KIF16B: variants seen among roughly 807,000 people sequenced by gnomAD.
KIF16B encodes kinesin-like protein KIF16B.
KIF16B carries 98 observed loss-of-function variants against 156.3 expected under a neutral mutation model. That is an observed-to-expected ratio of 0.63 (90% CI 0.53 to 0.74). The LOEUF is 0.74. Among genes scored for constraint, KIF16B ranks in the 30% least tolerant of loss-of-function variants. The probability of loss-of-function intolerance (pLI) is 0.00; values close to 1 mark genes in which losing one functional copy is unlikely to be tolerated. For missense variants in KIF16B, 1,421 were observed against 1,606.5 expected, an observed-to-expected ratio of 0.88 and a Z score of 1.97; for synonymous variants, 564 against 583.7, an observed-to-expected ratio of 0.97 and a Z score of 0.49.
At chr20:16,504,287 T>C in intron 10 of KIF16B, 85 bp downstream of exon 10, 2 of 1,338,334 alleles carry the variant, frequency 1.5e-6, no homozygotes, top group Non-Finnish European at 2.1e-6. Flanking sequence ...ATCAATAGCA[T>C]GAGTGAGAAA....
At chr20:16,285,215 A>C (rs1489807345) in intron 25 of KIF16B, among the ~76,000 whole-genome samples, 1 of 152,172 alleles carries the variant, frequency 6.6e-6, no homozygotes, top group Non-Finnish European at 1.5e-5. Context: ...ATTCTGGAGT[A>C]ACCATGCCTT....
intron 12 of KIF16B, among the ~76,000 whole-genome samples, chr20:16,486,584 A>C (rs939905160): frequency 6.6e-6 from 1 of 152,226 alleles, no homozygotes; most frequent in Non-Finnish European, 1.5e-5. Context: ...CAGGAGCTGA[A>C]CTATACGGAC....
At chr20:16,355,292 G>A (rs979407549) in intron 23 of KIF16B, among the ~76,000 whole-genome samples, 2 of 152,036 alleles carry the variant, frequency 1.3e-5, no homozygotes, top group Non-Finnish European at 2.9e-5. Context: ...TGCCTTTTAC[G>A]GTGTCCTTCC....
chr20:16,506,273 C>G, intron 7 of KIF16B, 83 bp from the exon 8 acceptor site: 2 of 1,172,432 alleles, frequency 1.7e-6, no homozygotes, highest in Non-Finnish European at 1.3e-6. Flanking sequence ...CTATTTTCTG[C>G]TCCTCACTGA....
intron 12 of KIF16B, among the ~76,000 whole-genome samples, chr20:16,439,818 A>G (rs1281859284): frequency 6.6e-6 from 1 of 152,182 alleles, no homozygotes; most frequent in African/African-American, 2.4e-5. Context: ...CAATACCATC[A>G]GATCTCTTGA....
intron 12 of KIF16B, among the ~76,000 whole-genome samples, chr20:16,481,018 A>T (rs1263277284): frequency 1.3e-5 from 2 of 152,146 alleles, no homozygotes; most frequent in Non-Finnish European, 2.9e-5. Context: ...GTTTGAAGGG[A>T]TGATCTTCCA....
chr20:16,419,430 C>T (rs188662075), intron 15 of KIF16B, among the ~76,000 whole-genome samples: 52 of 152,216 alleles, frequency 3.4e-4, no homozygotes, highest in African/African-American at 1.2e-3. Context: ...TTTAATTTGT[C>T]AGCGAACAAC....
intron 24 of KIF16B, among the ~76,000 whole-genome samples, chr20:16,333,651 A>G (rs1030042662): frequency 1.3e-5 from 2 of 152,102 alleles, no homozygotes; most frequent in African/African-American, 4.8e-5. Flanking sequence ...TCTTCGACTC[A>G]CTGGTTCATG....
chr20:16,378,691 T>C, intron 19 of KIF16B, 114 bp downstream of exon 19: 4 of 1,106,870 alleles, frequency 3.6e-6, no homozygotes, highest in Non-Finnish European at 3.8e-6. Flanking sequence ...TTAAAGAATA[T>C]GAAGGCTAAA....
At chr20:16,458,800 C>T (rs967529806) in intron 12 of KIF16B, among the ~76,000 whole-genome samples, 2 of 151,860 alleles carry the variant, frequency 1.3e-5, no homozygotes, top group Non-Finnish European at 2.9e-5. Context: ...ACACACCACT[C>T]CCCATTAGCC....
chr20:16,382,239 A>G lies in KIF16B; in HGVS notation c.1785-492T>C, dbSNP rs1471147987. The G allele has an allele frequency of 4.4e-5, 22 of 502,782 alleles. No homozygotes were observed. In the East Asian group the frequency reaches 9.2e-4, roughly 21 times the overall value. The allele number at this position is 502,782 out of a possible 1,614,324, so 31.1% of individuals were successfully genotyped here. A position where few individuals can be genotyped will look rare whatever the true frequency, so the allele number is the denominator to read the frequency against. ...CAGGAGAAAAGCAGTAAGGTACTTA[A>G]AAGGCAATAGCCATGCATGAATTGA... On this transcript the variant is annotated intron_variant, in intron 17 of 25. Transcript: ENST00000354981.
chr20:16,546,339 G>A (rs976633207), intron 1 of KIF16B, among the ~76,000 whole-genome samples: 1 of 152,132 alleles, frequency 6.6e-6, no homozygotes, highest in Non-Finnish European at 1.5e-5. Flanking sequence ...ACAATATAAG[G>A]CCAGCTATGG....
chr20:16,346,680 C>T (rs6034462), intron 23 of KIF16B, among the ~76,000 whole-genome samples: 83,673 of 152,058 alleles, frequency 0.55, 23,695 homozygotes, highest in East Asian at 0.94. Flanking sequence ...AGTATACTTA[C>T]CTCACAGGGT....
chr20:16,419,645 A>G (rs2066175600), intron 15 of KIF16B, among the ~76,000 whole-genome samples: 1 of 152,180 alleles, frequency 6.6e-6, no homozygotes, highest in Admixed American at 6.5e-5. Context: ...TAGTCAATGG[A>G]TCTGACAAAC....
chr20:16,403,247 T>C (rs1600301258), intron 17 of KIF16B, among the ~76,000 whole-genome samples: 2 of 152,310 alleles, frequency 1.3e-5, no homozygotes, highest in Admixed American at 1.3e-4. Context: ...ATTTAACGGA[T>C]GGGATCACAC....
chr20:16,437,870 T>C (rs1237869619), intron 12 of KIF16B, among the ~76,000 whole-genome samples: 1 of 151,820 alleles, frequency 6.6e-6, no homozygotes, highest in Non-Finnish European at 1.5e-5. Context: ...TGGTGGCTCA[T>C]GCCTGTAATC....
intron 12 of KIF16B, among the ~76,000 whole-genome samples, chr20:16,454,598 TA>T (rs2067167811): frequency 1.3e-5 from 2 of 152,058 alleles, no homozygotes; most frequent in Admixed American, 1.3e-4. Context: ...AGTAACATTG[TA>T]ACTAATAATA....
At chr20:16,451,992 G>C (rs182936143) in intron 12 of KIF16B, among the ~76,000 whole-genome samples, 1 of 152,224 alleles carries the variant, frequency 6.6e-6, no homozygotes, top group East Asian at 1.9e-4. Flanking sequence ...CAAATAACAT[G>C]AGTAAGTGAA....
chr20:16,351,763 A>G (rs1301332955), intron 23 of KIF16B, among the ~76,000 whole-genome samples: 1 of 152,242 alleles, frequency 6.6e-6, no homozygotes, highest in African/African-American at 2.4e-5. Context: ...GGTAACAGGA[A>G]TTGATACTCT....
Sources: allele counts gnomAD v4.1 joint callset (sites outside exome capture counted in the v4.1 genomes callset), GRCh38; gene constraint gnomAD v4.1.1; transcripts MANE v1.5; gene names NCBI Gene and HGNC (gene_info 2026-07-23, HGNC 2026-07-21).